KLHL1: variants seen among roughly 807,000 people sequenced by gnomAD.
KLHL1 encodes kelch like family member 1, also known as kelch-like protein 1.
In KLHL1, 47 loss-of-function variants were observed where a neutral mutation model predicts 77.7. The observed-to-expected ratio is 0.60, with a 90% CI of 0.48 to 0.77. KLHL1 has a LOEUF of 0.77. KLHL1 is among the 30% of genes least tolerant of loss of function. KLHL1 has a pLI of 0.00. For missense variants in KLHL1, 925 were observed against 910.8 expected, an observed-to-expected ratio of 1.02 and a Z score of -0.20; for synonymous variants, 360 against 325.2, an observed-to-expected ratio of 1.11 and a Z score of -1.15.
At chr13:69,726,024 T>A (rs1644297963) in intron 8 of KLHL1, among the ~76,000 whole-genome samples, 1 of 152,170 alleles carries the variant, frequency 6.6e-6, no homozygotes, top group Non-Finnish European at 1.5e-5. Context: ...GATCCCATTT[T>A]GTCTTGTTCC....
At chr13:70,032,816 C>T (rs1886136114) in intron 1 of KLHL1, among the ~76,000 whole-genome samples, 1 of 152,102 alleles carries the variant, frequency 6.6e-6, no homozygotes, top group Non-Finnish European at 1.5e-5. Flanking sequence ...TTTCAAATGT[C>T]ATAATTGAAA....
chr13:69,750,083 T>G (rs1032162536), intron 7 of KLHL1, among the ~76,000 whole-genome samples: 1 of 151,558 alleles, frequency 6.6e-6, no homozygotes, highest in African/African-American at 2.4e-5. Flanking sequence ...TAATAATGTA[T>G]TTAAATTTAT....
intron 1 of KLHL1, among the ~76,000 whole-genome samples, chr13:70,020,016 G>A (rs991987970): frequency 5.9e-5 from 9 of 152,006 alleles, no homozygotes; most frequent in Admixed American, 1.3e-4. Flanking sequence ...CTTCTGTCAC[G>A]TGAGGAAGCA....
intron 4 of KLHL1, among the ~76,000 whole-genome samples, chr13:69,923,465 C>G (rs74092663): frequency 6.6e-6 from 1 of 152,078 alleles, no homozygotes; most frequent in African/African-American, 2.4e-5. Flanking sequence ...CAGAATACTA[C>G]AGAGTGTCTA....
chr13:69,844,770 T>G (rs1034394757), intron 5 of KLHL1, among the ~76,000 whole-genome samples: 3 of 151,566 alleles, frequency 2.0e-5, no homozygotes, highest in African/African-American at 7.3e-5. Flanking sequence ...GGTTTTTTAT[T>G]TATTTATTTA....
At chr13:69,789,153 T>C (rs1286792561) in intron 7 of KLHL1, among the ~76,000 whole-genome samples, 2 of 152,166 alleles carry the variant, frequency 1.3e-5, no homozygotes, top group African/African-American at 4.8e-5. Context: ...TTTAATTAAA[T>C]CATTGCATGA....
chr13:70,077,910 G>A (rs569860412), intron 1 of KLHL1, among the ~76,000 whole-genome samples: 1 of 151,898 alleles, frequency 6.6e-6, no homozygotes, highest in Non-Finnish European at 1.5e-5. Context: ...TACCTTGTTA[G>A]GTTTTGTGTT....
intron 1 of KLHL1, among the ~76,000 whole-genome samples, chr13:70,070,279 AT>A (rs1214568423): frequency 5.3e-5 from 8 of 152,056 alleles, no homozygotes; most frequent in Admixed American, 5.2e-4. Context: ...AAACATCAAG[AT>A]TCTTCACCTA....
intron 7 of KLHL1, among the ~76,000 whole-genome samples, chr13:69,777,802 C>T (rs1382312277): frequency 6.6e-6 from 1 of 152,086 alleles, no homozygotes; most frequent in Non-Finnish European, 1.5e-5. Context: ...TTTAAATTGT[C>T]CATTAACTAA....
At chr13:69,975,413 TTACC>T (rs1232547418) in intron 2 of KLHL1, among the ~76,000 whole-genome samples, 1 of 151,978 alleles carries the variant, frequency 6.6e-6, no homozygotes, top group Non-Finnish European at 1.5e-5. Flanking sequence ...CAAAAAATTA[TTACC>T]TAAAGTAGCA....
At chr13:69,971,302 T>C (rs1026414710) in intron 2 of KLHL1, among the ~76,000 whole-genome samples, 2 of 152,030 alleles carry the variant, frequency 1.3e-5, no homozygotes, top group African/African-American at 4.8e-5. Flanking sequence ...TTAACTATCA[T>C]CATCATCATC....
At chr13:69,895,086 TTTC>T (rs149747256) in intron 4 of KLHL1, 22,399 of 470,456 alleles carry the variant, frequency 0.048, 691 homozygotes, top group African/African-American at 0.088. Context: ...CGGATCTTGC[TTTC>T]TTCTTCTTGC....
chr13:69,939,257 A>G (rs554422471), intron 4 of KLHL1, among the ~76,000 whole-genome samples: 25 of 148,122 alleles, frequency 1.7e-4, no homozygotes, highest in Middle Eastern at 7.1e-3. Context: ...AAAGTACACA[A>G]ATTTAAACTG....
intron 1 of KLHL1, among the ~76,000 whole-genome samples, chr13:70,019,187 T>C (rs904613431): frequency 2.0e-5 from 3 of 152,130 alleles, no homozygotes; most frequent in Non-Finnish European, 2.9e-5. Context: ...CAGGAAAGGT[T>C]GTCTCTGTGT....
At chr13:70,039,276 G>T (rs1208003507) in intron 1 of KLHL1, among the ~76,000 whole-genome samples, 2 of 151,822 alleles carry the variant, frequency 1.3e-5, no homozygotes, top group Non-Finnish European at 2.9e-5. Context: ...TAGAGACAGG[G>T]TTACACTATG....
At chr13:69,785,550 G>A (rs1377747947) in intron 7 of KLHL1, among the ~76,000 whole-genome samples, 1 of 151,540 alleles carries the variant, frequency 6.6e-6, no homozygotes, top group African/African-American at 2.4e-5. Flanking sequence ...GCCCACAAGA[G>A]AAAGCAGGAA....
At position 69,769,192 on chromosome 13, in the gene KLHL1, CA is replaced by C. The variant is rs1311875881; in HGVS notation, c.1639+27545del. On this transcript the variant is annotated intron_variant, in intron 7 of 10. Coordinates refer to ENST00000377844, the MANE Select transcript of KLHL1 (RefSeq NM_020866.3). ...TTTAGCAAGGAAATGACATTAGGCC[CA>C]ACTGCTAAGGTTTGAAAAAGATTTT... Among the ~76,000 whole-genome samples the C allele has an allele frequency of 2.6e-5, 4 of 152,234 alleles. No individual in the cohort carries two copies. In the East Asian group the frequency reaches 7.7e-4, roughly 29 times the overall value.
intron 3 of KLHL1, among the ~76,000 whole-genome samples, chr13:69,950,273 A>G (rs1253942575): frequency 1.3e-5 from 2 of 151,846 alleles, no homozygotes; most frequent in Middle Eastern, 3.4e-3. Flanking sequence ...ACATGCCAGT[A>G]GCTCAAATTT....
intron 9 of KLHL1, among the ~76,000 whole-genome samples, chr13:69,716,216 C>G (rs904041801): frequency 6.6e-6 from 1 of 152,024 alleles, no homozygotes; most frequent in African/African-American, 2.4e-5. Flanking sequence ...GTATAACAAC[C>G]TATTTACAGT....
Sources: gnomAD v4.1 joint callset for allele counts (sites outside exome capture counted in the v4.1 genomes callset) on GRCh38, gnomAD v4.1.1 for gene constraint, MANE v1.5 for transcripts, NCBI Gene and HGNC (gene_info 2026-07-23, HGNC 2026-07-21) for gene names.